SLC16A2: variants seen among roughly 807,000 people sequenced by gnomAD.
SLC16A2 encodes the protein monocarboxylate transporter 8.
SLC16A2 carries 3 observed loss-of-function variants against 27.2 expected under a neutral mutation model. The ratio of observed to expected loss-of-function variants is 0.11; its 90% CI spans 0.05 to 0.28. The LOEUF is 0.28. Among genes scored for constraint, SLC16A2 ranks in the 10% least tolerant of loss-of-function variants. SLC16A2 has a pLI of 1.00. For missense variants in SLC16A2, 295 were observed against 458.5 expected (o/e 0.64, Z 3.26); for synonymous variants, 202 against 187.8 (o/e 1.08, Z -0.62).
At chrX:74,434,943 C>T (rs1180685038) in intron 1 of SLC16A2, among the ~76,000 whole-genome samples, 3 of 108,258 alleles carry the variant, frequency 2.8e-5, no homozygotes, top group Admixed American at 9.8e-5. Flanking sequence ...CCTGCCCCAG[C>T]CTCCCAAGTA....
intron 1 of SLC16A2, among the ~76,000 whole-genome samples, chrX:74,474,927 C>A (rs2147853674): frequency 9.0e-6 from 1 of 110,851 alleles, no homozygotes; most frequent in African/African-American, 3.3e-5. Context: ...GTGAATAGTG[C>A]CGCAATAACC....
Position 74,436,347 on chromosome X carries a change from G to T in SLC16A2, c.430+14280G>T, listed in dbSNP as rs188879876. ...CACTTTAAGATCACTTTTCTAAGACGTTGGTTTTACTTTTAAAAAGGGGTT... is the reference window on the plus strand; with the variant it reads ...CACTTTAAGATCACTTTTCTAAGACTTTGGTTTTACTTTTAAAAAGGGGTT... On this transcript the variant is annotated intron_variant, in intron 1 of 5. Coordinates refer to ENST00000587091, the MANE Select transcript of SLC16A2 (RefSeq NM_006517.5). Among the ~76,000 whole-genome samples, 91 of 111,768 alleles carry T rather than the reference G, an allele frequency of 8.1e-4. 1 individual carries two copies. Among genetic ancestry groups the T allele is most frequent in the African/African-American group, 2.5e-3 (78 of 30,761 alleles).
intron 1 of SLC16A2, among the ~76,000 whole-genome samples, chrX:74,478,493 A>G (rs754396270): frequency 1.8e-5 from 2 of 111,791 alleles, no homozygotes; most frequent in Admixed American, 9.5e-5. Context: ...TTTAAAGTTA[A>G]TATTGTTATG....
intron 1 of SLC16A2, among the ~76,000 whole-genome samples, chrX:74,431,802 G>A (rs919267742): frequency 1.8e-5 from 2 of 111,339 alleles, no homozygotes; most frequent in Non-Finnish European, 3.8e-5. Context: ...TGAAGTGGTT[G>A]TTATTATTAT....
chrX:74,490,272 G>C (rs1049696139), intron 1 of SLC16A2, among the ~76,000 whole-genome samples: 1 of 110,242 alleles, frequency 9.1e-6, no homozygotes, highest in Non-Finnish European at 1.9e-5. Context: ...ATAAACTTTA[G>C]CAAGTAGAGG....
chrX:74,531,191 G>A (rs1008249478), intron 5 of SLC16A2, 142 bp from the exon 6 acceptor site: 2 of 526,825 alleles, frequency 3.8e-6, no homozygotes, highest in Admixed American at 2.7e-5. Context: ...CCAATGCCTT[G>A]AAGTTGAGGG....
intron 1 of SLC16A2, among the ~76,000 whole-genome samples, chrX:74,483,159 G>A (rs903034657): frequency 8.1e-5 from 9 of 111,124 alleles, no homozygotes; most frequent in Non-Finnish European, 1.7e-4. Flanking sequence ...CACAGTCTTG[G>A]GCATGTACAC....
intron 1 of SLC16A2, among the ~76,000 whole-genome samples, chrX:74,495,687 A>T (rs1379888259): frequency 9.2e-6 from 1 of 108,950 alleles, no homozygotes; most frequent in Non-Finnish European, 1.9e-5. Flanking sequence ...AGGTTTCTAT[A>T]ATCTCCAGGA....
intron 1 of SLC16A2, among the ~76,000 whole-genome samples, chrX:74,483,002 G>T (rs1461339025): frequency 8.9e-6 from 1 of 111,982 alleles, no homozygotes; most frequent in Non-Finnish European, 1.9e-5. Context: ...CACCCTGACT[G>T]ACTCTTTTAG....
intron 1 of SLC16A2, among the ~76,000 whole-genome samples, chrX:74,445,559 A>G (rs2147843424): frequency 1.9e-5 from 2 of 106,041 alleles, no homozygotes; most frequent in South Asian, 9.0e-4. Context: ...GAATCAAGGT[A>G]GACCATGACA....
intron 1 of SLC16A2, among the ~76,000 whole-genome samples, chrX:74,483,854 G>T (rs1929669496): frequency 1.8e-5 from 2 of 111,401 alleles, no homozygotes; most frequent in South Asian, 3.8e-4. Flanking sequence ...TTGAGGTAGA[G>T]ATTCCATTTT....
chrX:74,474,585 C>T (rs1039093687), intron 1 of SLC16A2, among the ~76,000 whole-genome samples: 9 of 109,224 alleles, frequency 8.2e-5, no homozygotes, highest in Non-Finnish European at 1.3e-4. Context: ...CCCATTAACT[C>T]GTCATTTAAC....
At chrX:74,527,595 C>T (rs758371740) in intron 4 of SLC16A2, among the ~76,000 whole-genome samples, 56 of 112,471 alleles carry the variant, frequency 5.0e-4, no homozygotes, top group Non-Finnish European at 7.3e-4. Flanking sequence ...TAGCGACAGG[C>T]TGCAGGACAG....
At chrX:74,473,953 C>T (rs1409016763) in intron 1 of SLC16A2, 5 of 343,709 alleles carry the variant, frequency 1.5e-5, no homozygotes, top group Admixed American at 9.1e-5. Context: ...GACTTAGACA[C>T]GATGGCAGAG....
intron 1 of SLC16A2, among the ~76,000 whole-genome samples, chrX:74,481,918 C>A (rs997277023): frequency 9.1e-6 from 1 of 109,623 alleles, no homozygotes; most frequent in African/African-American, 3.3e-5. Flanking sequence ...GCAACCATTA[C>A]CATGATCTAA....
chrX:74,430,694 A>G (rs1241410647), intron 1 of SLC16A2, among the ~76,000 whole-genome samples: 1 of 112,366 alleles, frequency 8.9e-6, no homozygotes, highest in Non-Finnish European at 1.9e-5. Flanking sequence ...GAACACTTAT[A>G]CACTGTTGGT....
chrX:74,451,760 TG>T (rs1928946557), intron 1 of SLC16A2, among the ~76,000 whole-genome samples: 1 of 113,053 alleles, frequency 8.8e-6, no homozygotes, highest in African/African-American at 3.2e-5. Context: ...TGTCATCCCT[TG>T]GGGGGTCCCC....
rs1263372106 is a variant in SLC16A2 at position 74,531,455 on chromosome X, G to A, written c.1522G>A (p.Glu508Lys). 1 of 1,210,046 alleles carries A rather than the reference G, an allele frequency of 8.3e-7. No homozygotes were observed. Among genetic ancestry groups the A allele is most frequent in the Non-Finnish European group, 1.1e-6 (1 of 895,001 alleles). The part of the protein sequence containing the change: ...PLMHQRMFKK[E>K]QRDSSKDKML... ...GATGCATCAAAGGATGTTCAAGAAA[G>A]AGCAGAGAGATTCCAGCAAGGATAA... Residue 508 changes from glutamate (E) to lysine (K), a missense_variant, in exon 6 of 6, where the codon GAG becomes AAG. Around this residue, in one of 3 missense-constraint regions of SLC16A2, gnomAD observed 144 missense variants for 219.8 expected, o/e 0.66. Transcript: ENST00000587091.
intron 1 of SLC16A2, among the ~76,000 whole-genome samples, chrX:74,517,965 A>G (rs1820767843): frequency 9.0e-6 from 1 of 111,705 alleles, no homozygotes; most frequent in Admixed American, 9.5e-5. Context: ...ATTCCTGTCT[A>G]TTGCTGTGTT....
Sources: allele counts gnomAD v4.1 joint callset (sites outside exome capture counted in the v4.1 genomes callset), GRCh38; gene constraint gnomAD v4.1.1; regional missense constraint gnomAD v4.1.1; transcripts MANE v1.5; gene names NCBI Gene and HGNC (gene_info 2026-07-23, HGNC 2026-07-21).